The following PTPRD variants were observed in gnomAD, a reference collection of about 807,000 sequenced individuals.
PTPRD encodes protein tyrosine phosphatase receptor type D.
A neutral mutation model predicts 214.5 loss-of-function variants in PTPRD; 34 were observed. The ratio of observed to expected loss-of-function variants is 0.16; its 90% confidence interval spans 0.12 to 0.21. The LOEUF (loss-of-function observed/expected upper bound fraction) is 0.21. Ranked by LOEUF, PTPRD falls within the 10% of genes least tolerant of loss-of-function variation. The pLI is 1.00. For missense variants in PTPRD, 2,545 were observed against 2,398.7 expected (o/e 1.06, Z -1.27); for synonymous variants, 1,128 against 845.7 (o/e 1.33, Z -5.79).
intron 11 of PTPRD, among the ~76,000 whole-genome samples, chr9:8,798,823 T>C (rs1277962396): frequency 6.6e-6 from 1 of 152,188 alleles, no homozygotes; most frequent in African/African-American, 2.4e-5. Context: ...AGACTTCTCA[T>C]TGATATAAAT....
intron 33 of PTPRD, among the ~76,000 whole-genome samples, chr9:8,455,613 T>TA (rs1243445485): frequency 5.3e-5 from 8 of 152,288 alleles, no homozygotes; most frequent in South Asian, 2.1e-4. Context: ...TTTTCAAAAA[T>TA]AAAAAAATCC....
chr9:10,380,656 T>A (rs958456225), intron 2 of PTPRD, among the ~76,000 whole-genome samples: 11 of 152,000 alleles, frequency 7.2e-5, no homozygotes, highest in Admixed American at 6.6e-4. Context: ...ATTAGTGGAG[T>A]ATTCTGAAGT....
At chr9:9,918,302 A>T (rs1040290514) in intron 5 of PTPRD, among the ~76,000 whole-genome samples, 2 of 150,158 alleles carry the variant, frequency 1.3e-5, no homozygotes, top group Admixed American at 1.3e-4. Flanking sequence ...CATTTACAAT[A>T]GCTACAAGAA....
chr9:9,416,275 A>T (rs1182456294), intron 8 of PTPRD, among the ~76,000 whole-genome samples: 1 of 152,104 alleles, frequency 6.6e-6, no homozygotes, highest in Non-Finnish European at 1.5e-5. Context: ...TGATCGTCTC[A>T]TGGTTGGGTT....
At chr9:9,883,304 G>A (rs2069484301) in intron 5 of PTPRD, among the ~76,000 whole-genome samples, 4 of 152,070 alleles carry the variant, frequency 2.6e-5, no homozygotes, top group African/African-American at 9.7e-5. Context: ...TTCATTGATA[G>A]TCACTGTCAT....
intron 11 of PTPRD, among the ~76,000 whole-genome samples, chr9:8,750,926 A>C (rs529961478): frequency 1.8e-4 from 28 of 152,240 alleles, no homozygotes; most frequent in African/African-American, 6.5e-4. Context: ...GGTCTAAAAA[A>C]ATGCAACCTC....
chr9:8,715,670 A>G (rs1339768938), intron 12 of PTPRD, among the ~76,000 whole-genome samples: 1 of 152,188 alleles, frequency 6.6e-6, no homozygotes, highest in Non-Finnish European at 1.5e-5. Context: ...ACGATCTACC[A>G]CAGTCATTCC....
intron 10 of PTPRD, among the ~76,000 whole-genome samples, chr9:9,059,110 A>G (rs138845536): frequency 6.6e-6 from 1 of 152,274 alleles, no homozygotes; most frequent in Non-Finnish European, 1.5e-5. Flanking sequence ...GTCATACCAC[A>G]TGAAAAAAAT....
intron 11 of PTPRD, among the ~76,000 whole-genome samples, chr9:8,782,264 G>A (rs192285267): frequency 9.2e-5 from 14 of 151,682 alleles, no homozygotes; most frequent in East Asian, 3.9e-4. Context: ...CACTTTTTGC[G>A]GTGAAAATAT....
chr9:8,542,955 C>T (rs1264079841), intron 14 of PTPRD, among the ~76,000 whole-genome samples: 4 of 152,152 alleles, frequency 2.6e-5, no homozygotes, highest in Non-Finnish European at 5.9e-5. Flanking sequence ...AGGGTAGTTT[C>T]TCCCTAGCCA....
At chr9:9,208,901 G>A (rs575254587) in intron 9 of PTPRD, among the ~76,000 whole-genome samples, 26 of 151,702 alleles carry the variant, frequency 1.7e-4, no homozygotes, top group African/African-American at 5.3e-4. Flanking sequence ...TCCACTTCCC[G>A]GGTTCACGCC....
At chr9:9,626,338 T>A (rs2095425089) in intron 7 of PTPRD, among the ~76,000 whole-genome samples, 1 of 152,196 alleles carries the variant, frequency 6.6e-6, no homozygotes, top group Admixed American at 6.5e-5. Flanking sequence ...TAAGGCTCTG[T>A]CTGATTTTAT....
intron 7 of PTPRD, among the ~76,000 whole-genome samples, chr9:9,659,763 GCAAA>G (rs1662586474): frequency 6.6e-6 from 1 of 151,984 alleles, no homozygotes. Context: ...CTCATCACAA[GCAAA>G]CAAATATTTT....
chr9:10,174,833 A>C (rs975597251), intron 3 of PTPRD, among the ~76,000 whole-genome samples: 3 of 152,140 alleles, frequency 2.0e-5, no homozygotes, highest in Admixed American at 2.0e-4. Flanking sequence ...CTCTATGCTT[A>C]ATGTTAAAGT....
At chr9:10,107,185 G>A (rs1478981491) in intron 3 of PTPRD, among the ~76,000 whole-genome samples, 2 of 151,930 alleles carry the variant, frequency 1.3e-5, no homozygotes, top group Admixed American at 6.6e-5. Context: ...CTTGGCAGAT[G>A]GAAACGGTAA....
intron 11 of PTPRD, among the ~76,000 whole-genome samples, chr9:8,981,362 T>C (rs1316987259): frequency 2.6e-5 from 4 of 152,076 alleles, no homozygotes; most frequent in Admixed American, 6.6e-5. Flanking sequence ...TAGAAATTAT[T>C]CCAAAACATA....
chr9:9,457,266 C>T (rs999553307), intron 8 of PTPRD, among the ~76,000 whole-genome samples: 5 of 151,888 alleles, frequency 3.3e-5, no homozygotes, highest in East Asian at 3.9e-4. Context: ...GACAAATAAA[C>T]CCCAAAAAAC....
intron 5 of PTPRD, among the ~76,000 whole-genome samples, chr9:9,813,546 T>C (rs891472098): frequency 6.6e-6 from 1 of 152,026 alleles, no homozygotes. Flanking sequence ...AAGTAGCATA[T>C]AGCCTACTAG....
chr9:9,526,148 C>G (rs1000806581), intron 8 of PTPRD, among the ~76,000 whole-genome samples: 4 of 152,120 alleles, frequency 2.6e-5, no homozygotes, highest in Non-Finnish European at 5.9e-5. Flanking sequence ...CATTTGTAAA[C>G]TACAGTTATG....
Sources: allele counts gnomAD v4.1 joint callset (sites outside exome capture counted in the v4.1 genomes callset), GRCh38; gene constraint gnomAD v4.1.1; transcripts MANE v1.5; gene names NCBI Gene and HGNC (gene_info 2026-07-23, HGNC 2026-07-21).